Variants in PRR11 observed in about 807,000 individuals in gnomAD.
PRR11 encodes proline-rich protein 11.
PRR11 carries 30 observed loss-of-function variants against 45.6 expected under a neutral mutation model. That is an observed-to-expected ratio of 0.66 (90% CI 0.49 to 0.89). PRR11 has a LOEUF of 0.89. PRR11 is among the 40% of genes least tolerant of loss of function. PRR11 has a pLI of 0.00. For missense variants in PRR11, 373 were observed against 424.8 expected (o/e 0.88, Z 1.07); for synonymous variants, 128 against 153.5 (o/e 0.83, Z 1.23).
At chr17:59,169,908 T>C in intron 2 of PRR11, 28 bp downstream of exon 2, 1 of 1,577,980 alleles carries the variant, frequency 6.3e-7, no homozygotes, top group Non-Finnish European at 8.5e-7. Context: ...ACAGAAAAAA[T>C]ATTAGAGAGA....
At chr17:59,190,775 C>G (rs565035028) in intron 4 of PRR11, among the ~76,000 whole-genome samples, 1 of 152,354 alleles carries the variant, frequency 6.6e-6, no homozygotes, top group African/African-American at 2.4e-5. Flanking sequence ...TGCTGGCAGC[C>G]TTAGATTCTT....
intron 4 of PRR11, among the ~76,000 whole-genome samples, chr17:59,192,850 T>A (rs2046845605): frequency 6.6e-6 from 1 of 152,236 alleles, no homozygotes; most frequent in African/African-American, 2.4e-5. Context: ...GTAGTCATGT[T>A]CCAGATCCTT....
At chr17:59,181,035 G>A (rs2046782578) in intron 2 of PRR11, among the ~76,000 whole-genome samples, 1 of 151,280 alleles carries the variant, frequency 6.6e-6, no homozygotes, top group Non-Finnish European at 1.5e-5. Context: ...TGTCACCCAG[G>A]CTGGAGTGTA....
chr17:59,174,949 C>T (rs2046735310), intron 2 of PRR11: 1 of 933,328 alleles, frequency 1.1e-6, no homozygotes, highest in Non-Finnish European at 1.7e-6. Flanking sequence ...CCTACCCCCA[C>T]CCCGCCTACC....
chr17:59,180,894 T>C (rs2046781699), intron 2 of PRR11, among the ~76,000 whole-genome samples: 1 of 151,650 alleles, frequency 6.6e-6, no homozygotes, highest in South Asian at 2.1e-4. Context: ...CTCAAAGTCC[T>C]GAGTTCAAGC....
In PRR11 at chr17:59,193,738, G is replaced by A; in HGVS notation, c.645+4G>A. On this transcript the variant is annotated splice_donor_region_variant and intron_variant, in intron 5 of 9. Transcript: ENST00000262293. ...CAGTCTCGCTAAAGCACTTCAGGTAGGTAACAATCTAGTAATGATATGTTT... is the reference window on the plus strand; with the variant it reads ...CAGTCTCGCTAAAGCACTTCAGGTAAGTAACAATCTAGTAATGATATGTTT... 1 of 1,613,140 alleles carries A rather than the reference G, an allele frequency of 6.2e-7. No individual in the cohort carries two copies. The highest frequency in any genetic ancestry group is 8.5e-7 in the Non-Finnish European group (1 of 1,179,136).
At chr17:59,199,094 G>A (rs1186794090) in intron 9 of PRR11, among the ~76,000 whole-genome samples, 1 of 152,158 alleles carries the variant, frequency 6.6e-6, no homozygotes, top group East Asian at 1.9e-4. Context: ...ATGGCAGTAT[G>A]TGCTATGAAG....
chr17:59,163,122 G>A (rs902554750), intron 1 of PRR11, among the ~76,000 whole-genome samples: 8 of 140,540 alleles, frequency 5.7e-5, no homozygotes, highest in Non-Finnish European at 7.8e-5. Context: ...ATGGACTCTC[G>A]TTCTATTGCC....
chr17:59,179,416 C>T lies in PRR11; in HGVS notation c.129-5638C>T, dbSNP rs543894550. On this transcript the variant is annotated intron_variant, in intron 2 of 9. Transcript: ENST00000262293. ...CCTGCCAACATGCTGGGATCTCAGA[C>T]GTGAGCCACCGCACTTGGCCCAAAA... 1.1e-4 allele frequency among the ~76,000 whole-genome samples: 16 copies of T among 152,262 alleles called. No homozygotes were observed. In the South Asian group the frequency reaches 2.7e-3, roughly 26 times the overall value.
At chr17:59,191,793 C>T (rs970091853) in intron 4 of PRR11, among the ~76,000 whole-genome samples, 1 of 152,106 alleles carries the variant, frequency 6.6e-6, no homozygotes, top group Admixed American at 6.6e-5. Context: ...TAAGCAAGGC[C>T]CCTATGTCTC....
chr17:59,173,006 A>G (rs1310739403), intron 2 of PRR11, among the ~76,000 whole-genome samples: 2 of 152,228 alleles, frequency 1.3e-5, no homozygotes, highest in Non-Finnish European at 2.9e-5. Flanking sequence ...GACTTGGAGA[A>G]TATTTATGTC....
At chr17:59,198,933 T>A (rs974773680) in intron 9 of PRR11, among the ~76,000 whole-genome samples, 5 of 152,212 alleles carry the variant, frequency 3.3e-5, no homozygotes, top group African/African-American at 9.6e-5. Context: ...TAGTAAATAT[T>A]TACTAAGCAC....
intron 4 of PRR11, among the ~76,000 whole-genome samples, chr17:59,189,462 T>C (rs2046830914): frequency 6.6e-6 from 1 of 152,168 alleles, no homozygotes; most frequent in East Asian, 2.0e-4. Context: ...ACCTCCCAAG[T>C]AGCTGGGACT....
intron 4 of PRR11, among the ~76,000 whole-genome samples, chr17:59,186,162 G>T (rs1193587028): frequency 6.6e-6 from 1 of 151,888 alleles, no homozygotes; most frequent in Non-Finnish European, 1.5e-5. Context: ...TCACTATGTT[G>T]CCCAGCCTAG....
chr17:59,190,747 T>C (rs2046836985), intron 4 of PRR11, among the ~76,000 whole-genome samples: 1 of 152,234 alleles, frequency 6.6e-6, no homozygotes, highest in Non-Finnish European at 1.5e-5. Flanking sequence ...GACTCTCCCT[T>C]TGCACTAGCA....
In PRR11 at chr17:59,193,484, T is replaced by A. The variant is rs1186246169; in HGVS notation, c.403-8T>A. 1.9e-6 allele frequency: 3 copies of A among 1,613,998 alleles called. No homozygotes were observed. In the South Asian group the frequency reaches 3.3e-5, roughly 18 times the overall value. ...TATTTATTTGCCAAATGTGATGTCT[T>A]CTTCCAGACCATCTCAGAAAGTTCT... On this transcript the variant is annotated splice_region_variant and splice_polypyrimidine_tract_variant and intron_variant, in intron 4 of 9. Coordinates refer to ENST00000262293, the MANE Select transcript of PRR11 (RefSeq NM_018304.4).
chr17:59,173,030 G>A (rs1054838587), intron 2 of PRR11, among the ~76,000 whole-genome samples: 1 of 152,226 alleles, frequency 6.6e-6, no homozygotes, highest in Non-Finnish European at 1.5e-5. Context: ...CTAAGGGATT[G>A]TGAATGCACC....
At chr17:59,187,494 C>T (rs892044328) in intron 4 of PRR11, among the ~76,000 whole-genome samples, 2 of 152,130 alleles carry the variant, frequency 1.3e-5, no homozygotes, top group South Asian at 2.1e-4. Context: ...TGCTTGAACC[C>T]GGGAGGCAGA....
chr17:59,170,571 T>C (rs1277124048), intron 2 of PRR11, among the ~76,000 whole-genome samples: 1 of 151,972 alleles, frequency 6.6e-6, no homozygotes, highest in Non-Finnish European at 1.5e-5. Flanking sequence ...CCTTCTCTTC[T>C]ATTATTTTTC....
Sources: gnomAD v4.1 joint callset for allele counts (sites outside exome capture counted in the v4.1 genomes callset) on GRCh38, gnomAD v4.1.1 for gene constraint, MANE v1.5 for transcripts, NCBI Gene and HGNC (gene_info 2026-07-23, HGNC 2026-07-21) for gene names.